Variants in RUBCN observed in about 807,000 individuals in gnomAD.
The protein encoded by RUBCN is rubicon autophagy regulator.
RUBCN carries 74 observed loss-of-function variants against 113.2 expected under a neutral mutation model. The observed-to-expected ratio is 0.65, with a 90% CI of 0.54 to 0.79. The LOEUF (loss-of-function observed/expected upper bound fraction) is 0.79, where lower values mean the gene tolerates loss of function less well. Ranked by LOEUF, RUBCN falls within the 30% of genes least tolerant of loss-of-function variation. The probability of loss-of-function intolerance (pLI) is 0.00; values close to 1 mark genes in which losing one functional copy is unlikely to be tolerated. For missense variants in RUBCN, 1,109 were observed against 1,251.7 expected, an observed-to-expected ratio of 0.89 and a Z score of 1.72; for synonymous variants, 480 against 490.0, an observed-to-expected ratio of 0.98 and a Z score of 0.27.
At chr3:197,705,624 C>CCCTTTTAAAG (rs1188297301) in intron 2 of RUBCN, among the ~76,000 whole-genome samples, 2 of 141,386 alleles carry the variant, frequency 1.4e-5, no homozygotes, top group East Asian at 4.2e-4. Flanking sequence ...CTACACTTGA[C>CCCTTTTAAAG]ATATGTTTAC....
intron 7 of RUBCN, among the ~76,000 whole-genome samples, chr3:197,697,591 T>A (rs1723152693): frequency 6.6e-6 from 1 of 152,156 alleles, no homozygotes; most frequent in African/African-American, 2.4e-5. Flanking sequence ...AAGGGCTCCG[T>A]TACGGGGCTC....
At chr3:197,730,314 G>A (rs1389934142) in intron 1 of RUBCN, among the ~76,000 whole-genome samples, 2 of 152,064 alleles carry the variant, frequency 1.3e-5, no homozygotes, top group Non-Finnish European at 2.9e-5. Context: ...CCCATACCCC[G>A]ACCACAAGAA....
In RUBCN at chr3:197,674,631, G is replaced by C. The variant is rs114272728; in HGVS notation, c.*387C>G. ...AGAAAGGCCTGGCTCAGAAGCTCCA[G>C]AACTGAAACAAAGGAAAATTGGAAA... On this transcript the variant is annotated 3_prime_UTR_variant, in exon 20 of 20. Transcript: ENST00000296343. The C allele has an allele frequency of 5.0e-3, 2,176 of 438,932 alleles. 53 individuals carry two copies. The highest frequency in any genetic ancestry group is 0.043 in the African/African-American group (2,042 of 47,120). 27.2% of individuals were successfully genotyped at this position (438,932 alleles called of 1,614,324 possible). A position where few individuals can be genotyped will look rare whatever the true frequency, so the allele number is the denominator to read the frequency against.
At chr3:197,748,575 G>T (rs1014492297) in intron 1 of RUBCN, 2 of 152,156 alleles carry the variant, frequency 1.3e-5, no homozygotes, top group East Asian at 3.8e-4. Context: ...AAAAAGTCAT[G>T]GTTCTTTGAG....
In RUBCN at chr3:197,674,408, C is replaced by A. The variant is rs1030609249; in HGVS notation, c.*610G>T. 1 of 291,026 alleles carries A rather than the reference C, an allele frequency of 3.4e-6. No individual in the cohort carries two copies. The highest frequency in any genetic ancestry group is 7.6e-6 in the Non-Finnish European group (1 of 132,012). 18.0% of individuals were successfully genotyped at this position (291,026 alleles called of 1,614,324 possible). On this transcript the variant is annotated 3_prime_UTR_variant, in exon 20 of 20. Coordinates refer to ENST00000296343, the MANE Select transcript of RUBCN (RefSeq NM_014687.4). ...ACTCCCGGCAACATAGGGACATTCACAGCTGCCTCTGAGGTCTCTGAGGAG... is the reference window on the plus strand; with the variant it reads ...ACTCCCGGCAACATAGGGACATTCAAAGCTGCCTCTGAGGTCTCTGAGGAG...
intron 11 of RUBCN, among the ~76,000 whole-genome samples, chr3:197,688,726 A>G (rs1447603775): frequency 1.3e-5 from 2 of 152,230 alleles, no homozygotes; most frequent in African/African-American, 4.8e-5. Flanking sequence ...CCTATGAAAG[A>G]TATCAAACCA....
At chr3:197,676,696 G>T in intron 18 of RUBCN, 189 bp downstream of exon 18, 1 of 1,447,644 alleles carries the variant, frequency 6.9e-7, no homozygotes. Flanking sequence ...CCTCACTCGA[G>T]GTTCTTTAGA....
At position 197,681,843 on chromosome 3, in the gene RUBCN, G is replaced by T; in HGVS notation, c.2183C>A (p.Thr728Asn). ...NYRCAGCGIR[T>N]DPDYIKRLRY... The stretch of plus-strand genomic sequence containing the variant: ...GAAGGGAAGGCACTCACCAGGGTCA[G>T]TCCGGATGCCACATCCTGCACAGCG... The change falls in exon 15 of 20, where the codon ACT becomes AAT. Residue 728 changes from threonine to asparagine, a missense_variant. Transcript: ENST00000296343. This position sits in a 1 kb window ranked among gnomAD's most constrained non-coding sequence, Gnocchi z 5.5. The T allele has an allele frequency of 6.2e-7, 1 of 1,614,000 alleles. No individual in the cohort carries two copies. The highest frequency in any genetic ancestry group is 8.5e-7 in the Non-Finnish European group (1 of 1,179,906).
Position 197,673,630 on chromosome 3 carries a change from C to T in RUBCN, c.*1388G>A, listed in dbSNP as rs112059126. 3 of 152,430 alleles carry T rather than the reference C, an allele frequency of 2.0e-5. No homozygotes were observed. The Admixed American group carries it at 2.0e-4, about 10-fold the overall frequency. The allele number at this position is 152,430 out of a possible 1,614,324, so 9.4% of individuals were successfully genotyped here. ...ATCACAAACACACACATGGCCCCACCCAAGGACTTCACTGTCAACACACAC... is the reference window on the plus strand; with the variant it reads ...ATCACAAACACACACATGGCCCCACTCAAGGACTTCACTGTCAACACACAC... On this transcript the variant is annotated 3_prime_UTR_variant, in exon 20 of 20. Transcript: ENST00000296343.
In RUBCN at chr3:197,725,213, T is replaced by A. The variant is rs145782963; in HGVS notation, c.66-7083A>T. 2.4e-3 allele frequency among the ~76,000 whole-genome samples: 370 copies of A among 152,220 alleles called. 1 individual carries two copies. The highest frequency in any genetic ancestry group is 3.7e-3 in the Non-Finnish European group (251 of 68,006). ...TGGAAAGAGGTAATGGGTTCCTCCT[T>A]CAGGTAGAAAAAATATAATTAAGTG... is the stretch of plus-strand genomic sequence containing the variant. On this transcript the variant is annotated intron_variant, in intron 1 of 19. Transcript: ENST00000296343.
At chr3:197,702,450 G>C (rs1338378831) in intron 5 of RUBCN, among the ~76,000 whole-genome samples, 4 of 152,182 alleles carry the variant, frequency 2.6e-5, no homozygotes, top group Non-Finnish European at 5.9e-5. Context: ...ATCACTTGAG[G>C]TCAGGAGATC....
chr3:197,734,376 C>G (rs1727877161), intron 1 of RUBCN, among the ~76,000 whole-genome samples: 1 of 151,086 alleles, frequency 6.6e-6, no homozygotes, highest in Non-Finnish European at 1.5e-5. Flanking sequence ...TTGAGACCAG[C>G]CTAGGCAACA....
intron 8 of RUBCN, among the ~76,000 whole-genome samples, chr3:197,696,404 C>A (rs982165704): frequency 6.6e-6 from 1 of 151,658 alleles, no homozygotes; most frequent in African/African-American, 2.4e-5. Context: ...AAAAGAATTT[C>A]TTGGACTCTT....
chr3:197,723,266 A>G (rs1363839861), intron 1 of RUBCN, among the ~76,000 whole-genome samples: 4 of 152,148 alleles, frequency 2.6e-5, no homozygotes, highest in African/African-American at 9.7e-5. Flanking sequence ...TGCAACCACC[A>G]TCTCCTGGGT....
chr3:197,677,625 C>G (rs1720595838), intron 16 of RUBCN, 84 bp from the exon 17 acceptor site: 1 of 1,278,578 alleles, frequency 7.8e-7, no homozygotes, highest in African/African-American at 1.5e-5. Context: ...CCTTTAAACC[C>G]TGGGGTTCTA....
At chr3:197,690,853 G>C (rs1394386480) in intron 11 of RUBCN, among the ~76,000 whole-genome samples, 1 of 152,216 alleles carries the variant, frequency 6.6e-6, no homozygotes, top group East Asian at 1.9e-4. Context: ...GGACAAACTT[G>C]TGAGGAAGAT....
upstream of RUBCN, chr3:197,736,958 C>G: frequency 7.7e-7 from 1 of 1,300,612 alleles, no homozygotes; most frequent in African/African-American, 1.6e-5. Flanking sequence ...CGAGGCTAGG[C>G]CGCTCCCGCA....
chr3:197,686,016 A>G (rs112311139), intron 11 of RUBCN, among the ~76,000 whole-genome samples: 42 of 152,190 alleles, frequency 2.8e-4, no homozygotes, highest in Admixed American at 1.6e-3. Flanking sequence ...ATTGGCTAAA[A>G]GCAATTAACA....
intron 1 of RUBCN, among the ~76,000 whole-genome samples, chr3:197,720,927 A>G (rs1189777852): frequency 1.3e-5 from 2 of 152,056 alleles, no homozygotes; most frequent in Non-Finnish European, 2.9e-5. Flanking sequence ...TCCCACCAGC[A>G]GCGTGTAAGG....
Sources: gnomAD v4.1 joint callset for allele counts (sites outside exome capture counted in the v4.1 genomes callset) on GRCh38, gnomAD v4.1.1 for gene constraint, Gnocchi (gnomAD v3.1) non-coding constraint, MANE v1.5 for transcripts, NCBI Gene and HGNC (gene_info 2026-07-23, HGNC 2026-07-21) for gene names.